RCOR3: variants seen among roughly 807,000 people sequenced by gnomAD.
RCOR3 encodes the protein REST corepressor 3.
Under a neutral mutation model 64.1 loss-of-function variants are expected in RCOR3, and 13 were observed. The observed-to-expected ratio is 0.20, with a 90% CI of 0.13 to 0.32. The LOEUF (loss-of-function observed/expected upper bound fraction) is 0.32, where lower values mean the gene tolerates loss of function less well. Ranked by LOEUF, RCOR3 falls within the 10% of genes least tolerant of loss-of-function variation. The pLI, the probability that RCOR3 is intolerant of heterozygous loss-of-function variation, is 1.00. For synonymous variants in RCOR3, 215 were observed against 239.0 expected (o/e 0.90, Z 0.93); for missense variants, 489 against 701.2 (o/e 0.70, Z 3.42).
In RCOR3 at chr1:211,278,221, T is replaced by C; in HGVS notation, c.621T>C (p.Asn207=). ...LMDRQARKLA[N]RHNQGDSDDD... ...ATCGCCAGGCTCGTAAACTAGCTAA[T>C]AGACATAATCAGGGTGACAGGTAGG... Residue 207 remains asparagine, a synonymous_variant, in exon 6 of 12, where the codon AAT becomes AAC. Transcript: ENST00000419091. 6.2e-7 allele frequency: 1 copy of C among 1,613,808 alleles called. No individual in the cohort carries two copies. The highest frequency in any genetic ancestry group is 8.5e-7 in the Non-Finnish European group (1 of 1,179,872).
intron 7 of RCOR3, among the ~76,000 whole-genome samples, chr1:211,283,532 C>T (rs1698111138): frequency 6.6e-6 from 1 of 152,204 alleles, no homozygotes; most frequent in Non-Finnish European, 1.5e-5. Context: ...CCAAATCTGG[C>T]AATATGAGAA....
At chr1:211,275,301 G>A (rs1399914641) in intron 4 of RCOR3, among the ~76,000 whole-genome samples, 1 of 152,034 alleles carries the variant, frequency 6.6e-6, no homozygotes, top group African/African-American at 2.4e-5. Flanking sequence ...GTGAAATTGA[G>A]ATGTTTATTT....
At chr1:211,263,178 C>T (rs1694657130) in intron 2 of RCOR3, among the ~76,000 whole-genome samples, 1 of 151,668 alleles carries the variant, frequency 6.6e-6, no homozygotes, top group Admixed American at 6.6e-5. Context: ...CAATTTCATC[C>T]ACGTCCCTAC....
At chr1:211,301,597 A>T (rs1437273604) in intron 9 of RCOR3, 1 of 152,190 alleles carries the variant, frequency 6.6e-6, no homozygotes, top group Non-Finnish European at 1.5e-5. Flanking sequence ...TTTCCCTTAC[A>T]TGTGGATTGC....
intron 3 of RCOR3, among the ~76,000 whole-genome samples, chr1:211,273,562 A>ATGAGGCCT (rs1484218897): frequency 6.6e-6 from 1 of 152,246 alleles, no homozygotes; most frequent in African/African-American, 2.4e-5. Context: ...CTTCTCAGCA[A>ATGAGGCCT]TGAGGCCTTG....
At chr1:211,280,290 C>T (rs1464442762) in intron 7 of RCOR3, among the ~76,000 whole-genome samples, 1 of 152,160 alleles carries the variant, frequency 6.6e-6, no homozygotes, top group Non-Finnish European at 1.5e-5. Context: ...TCCAGCCCTT[C>T]CTCTAACCTC....
chr1:211,278,014 A>G, intron 5 of RCOR3, 103 bp from the exon 6 acceptor site: 3 of 1,027,392 alleles, frequency 2.9e-6, no homozygotes, highest in Non-Finnish European at 4.2e-6. Flanking sequence ...GTACCCATGA[A>G]ATATTTTTTT....
At chr1:211,303,489 T>C (rs1171162001) in intron 9 of RCOR3, 1 of 152,314 alleles carries the variant, frequency 6.6e-6, no homozygotes, top group Non-Finnish European at 1.5e-5. Context: ...GTCCATCTAC[T>C]GTCAAAGGTC....
intron 9 of RCOR3, chr1:211,302,924 ATC>A (rs1700524289): frequency 6.6e-6 from 1 of 151,890 alleles, no homozygotes. Flanking sequence ...AATTTTTCCT[ATC>A]TCCTTTTTCT....
At chr1:211,269,412 A>T (rs1324233723) in intron 2 of RCOR3, among the ~76,000 whole-genome samples, 1 of 152,188 alleles carries the variant, frequency 6.6e-6, no homozygotes, top group Non-Finnish European at 1.5e-5. Flanking sequence ...CCTGGCCAAC[A>T]TGATGAAACC....
At chr1:211,261,697 G>A (rs1346085423) in intron 2 of RCOR3, among the ~76,000 whole-genome samples, 1 of 151,954 alleles carries the variant, frequency 6.6e-6, no homozygotes, top group African/African-American at 2.4e-5. Context: ...TGAGGCGGGT[G>A]GATCACGAGG....
Position 211,281,622 on chromosome 1 carries a change from G to C in RCOR3, c.720+2306G>C, listed in dbSNP as rs555214263. On this transcript the variant is annotated intron_variant, in intron 7 of 11. Transcript: ENST00000419091. The stretch of plus-strand genomic sequence containing the variant: ...TCCTTACCCTTCCCCATTTATTTCA[G>C]ATTACTAACAGTGTTTTAGATATGT... 1.6e-4 allele frequency among the ~76,000 whole-genome samples: 25 copies of C among 152,236 alleles called. No individual in the cohort carries two copies. The South Asian group carries it at 5.2e-3, about 32-fold the overall frequency.
intron 7 of RCOR3, among the ~76,000 whole-genome samples, chr1:211,287,100 A>G (rs1055026394): frequency 6.6e-6 from 1 of 152,104 alleles, no homozygotes; most frequent in African/African-American, 2.4e-5. Flanking sequence ...TTTCAGGCAA[A>G]CAGATCATAT....
chr1:211,272,842 C>T (rs1365679353), intron 3 of RCOR3, among the ~76,000 whole-genome samples: 3 of 151,172 alleles, frequency 2.0e-5, no homozygotes, highest in Admixed American at 6.6e-5. Context: ...AGGATGGTCT[C>T]GATCTCCTGA....
chr1:211,311,145 T>C (rs1004239436), intron 10 of RCOR3, among the ~76,000 whole-genome samples: 2 of 152,190 alleles, frequency 1.3e-5, no homozygotes, highest in Admixed American at 6.5e-5. Context: ...AAATAAACTC[T>C]CAGTGGAATC....
intron 9 of RCOR3, chr1:211,302,670 T>C (rs913429320): frequency 4.6e-5 from 7 of 152,246 alleles, no homozygotes; most frequent in African/African-American, 1.7e-4. Flanking sequence ...TTTATTTTCT[T>C]ACCATTTACT....
Position 211,315,606 on chromosome 1 carries a change from T to TA in RCOR3, c.*1839dup, listed in dbSNP as rs1290760982. On this transcript the variant is annotated 3_prime_UTR_variant, in exon 12 of 12. Coordinates refer to ENST00000419091, the MANE Select transcript of RCOR3 (RefSeq NM_001136223.3). Reference sequence around the variant, plus strand: ...ATTTTTTAAAGCACTTAGATTGTCTTACGTATGTGCATACTATACCTTTAC... The same window carrying TA: ...ATTTTTTAAAGCACTTAGATTGTCTTAACGTATGTGCATACTATACCTTTAC... 3 of 152,244 alleles carry TA rather than the reference T, an allele frequency of 2.0e-5. No homozygotes were observed. The highest frequency in any genetic ancestry group is 4.4e-5 in the Non-Finnish European group (3 of 68,036). 9.4% of individuals were successfully genotyped at this position (152,244 alleles called of 1,614,324 possible).
At chr1:211,295,494 A>G (rs1699769114) in intron 8 of RCOR3, among the ~76,000 whole-genome samples, 182 bp from the exon 9 acceptor site, 1 of 152,228 alleles carries the variant, frequency 6.6e-6, no homozygotes, top group Non-Finnish European at 1.5e-5. Context: ...TAGATGTTTA[A>G]TTAGTTCATA....
At position 211,308,673 on chromosome 1, in the gene RCOR3, G is replaced by GTTTTTTTTTTTTTTTTTTTTTTT. The variant is rs545513442; in HGVS notation, c.1076-4037_1076-4036insTTTTTTTTTTTTTTTTTTTTTTT. Among the ~76,000 whole-genome samples, 2 of 40,486 alleles carry GTTTTTTTTTTTTTTTTTTTTTTT rather than the reference G, an allele frequency of 4.9e-5. 1 individual carries two copies. Among genetic ancestry groups the GTTTTTTTTTTTTTTTTTTTTTTT allele is most frequent in the African/African-American group, 1.4e-4 (2 of 14,088 alleles). The allele number at this position is 40,486 out of a possible 152,430, so 26.6% of individuals were successfully genotyped here. A position where few individuals can be genotyped will look rare whatever the true frequency, so the allele number is the denominator to read the frequency against. On this transcript the variant is annotated intron_variant, in intron 10 of 11. Transcript: ENST00000419091. ...GTCTTTTGGATGTGTTTTTTTTTTT[G>GTTTTTTTTTTTTTTTTTTTTTTT]TTTTTTTTTTGTTTTTTTTTTTTTT...
Sources: gnomAD v4.1 joint callset for allele counts (sites outside exome capture counted in the v4.1 genomes callset) on GRCh38, gnomAD v4.1.1 for gene constraint, MANE v1.5 for transcripts, NCBI Gene and HGNC (gene_info 2026-07-23, HGNC 2026-07-21) for gene names.